KCNJ3: variants seen among roughly 807,000 people sequenced by gnomAD.
KCNJ3 encodes the protein potassium inwardly rectifying channel subfamily J member 3.
KCNJ3 carries 4 observed loss-of-function variants against 39.2 expected under a neutral mutation model. That is an observed-to-expected ratio of 0.10 (90% CI 0.05 to 0.23). KCNJ3 has a LOEUF of 0.23. KCNJ3 is among the 10% of genes least tolerant of loss of function. KCNJ3 has a pLI of 1.00. For synonymous variants in KCNJ3, 230 were observed against 237.4 expected, an observed-to-expected ratio of 0.97 and a Z score of 0.29; for missense variants, 276 against 634.9, an observed-to-expected ratio of 0.43 and a Z score of 6.08.
At chr2:154,720,387 C>G (rs1038341702) in intron 2 of KCNJ3, among the ~76,000 whole-genome samples, 1 of 151,980 alleles carries the variant, frequency 6.6e-6, no homozygotes, top group Non-Finnish European at 1.5e-5. Flanking sequence ...ATGTCTAGAC[C>G]ATTTTAGAGG....
intron 2 of KCNJ3, among the ~76,000 whole-genome samples, chr2:154,828,166 A>G (rs995607876): frequency 2.0e-5 from 3 of 152,170 alleles, no homozygotes; most frequent in South Asian, 2.1e-4. Context: ...CTACTTACCT[A>G]TTATTGTCAA....
intron 2 of KCNJ3, among the ~76,000 whole-genome samples, chr2:154,821,742 G>A (rs954255455): frequency 1.5e-5 from 2 of 137,642 alleles, no homozygotes; most frequent in African/African-American, 5.3e-5. Context: ...CCTCGTTCAA[G>A]CAATTTTCCT....
At chr2:154,789,579 A>G (rs1686591153) in intron 2 of KCNJ3, among the ~76,000 whole-genome samples, 1 of 152,100 alleles carries the variant, frequency 6.6e-6, no homozygotes. Flanking sequence ...TTATTAAAAC[A>G]GAAGCTTCTG....
intron 2 of KCNJ3, among the ~76,000 whole-genome samples, chr2:154,748,031 G>A (rs1685777530): frequency 6.6e-6 from 1 of 151,988 alleles, no homozygotes; most frequent in South Asian, 2.1e-4. Flanking sequence ...CCTAGAGATT[G>A]TTGAGGCCCC....
At chr2:154,711,749 C>A (rs1431004142) in intron 2 of KCNJ3, among the ~76,000 whole-genome samples, 1 of 152,050 alleles carries the variant, frequency 6.6e-6, no homozygotes, top group African/African-American at 2.4e-5. Context: ...AATATTGAAG[C>A]AGGTTGTTTG....
intron 2 of KCNJ3, among the ~76,000 whole-genome samples, chr2:154,734,420 C>T (rs1685489975): frequency 6.6e-6 from 1 of 152,090 alleles, no homozygotes; most frequent in Non-Finnish European, 1.5e-5. Context: ...TTAGAAATAC[C>T]GCTCACCCTC....
chr2:154,841,118 A>AGTTT (rs779918409), intron 2 of KCNJ3, among the ~76,000 whole-genome samples: 62 of 152,230 alleles, frequency 4.1e-4, no homozygotes, highest in Non-Finnish European at 7.6e-4. Context: ...ATCGATACCT[A>AGTTT]GTTTATTGAG....
At position 154,857,886 on chromosome 2, in the gene KCNJ3, C is replaced by CA. The variant is rs70983747; in HGVS notation, c.*2614dup. The stretch of plus-strand genomic sequence containing the variant: ...ACAGTGCGAGACTCCATCTCAACAT[C>CA]AAAAAAAAAAAAAAAAAAAAAAAAA... On this transcript the variant is annotated 3_prime_UTR_variant, in exon 3 of 3. Coordinates refer to ENST00000295101, the MANE Select transcript of KCNJ3 (RefSeq NM_002239.4). 16 of 41,974 alleles carry CA rather than the reference C, an allele frequency of 3.8e-4. No individual in the cohort carries two copies. Among genetic ancestry groups the CA allele is most frequent in the African/African-American group, 1.1e-3 (8 of 6,966 alleles). 2.6% of individuals were successfully genotyped at this position (41,974 alleles called of 1,614,324 possible).
intron 2 of KCNJ3, among the ~76,000 whole-genome samples, chr2:154,735,666 A>G (rs1271271494): frequency 2.0e-5 from 3 of 152,212 alleles, no homozygotes; most frequent in African/African-American, 2.4e-5. Flanking sequence ...CAATTTAAAA[A>G]TGGAACTAGA....
chr2:154,834,669 C>T (rs1349020320), intron 2 of KCNJ3, among the ~76,000 whole-genome samples: 2 of 151,364 alleles, frequency 1.3e-5, no homozygotes, highest in Non-Finnish European at 3.0e-5. Flanking sequence ...GCGGAGCTTA[C>T]AGTGAGCCGA....
rs71422263 is a variant in KCNJ3 at position 154,821,635 on chromosome 2, A to ATTTTTTT, written c.920-33074_920-33068dup. Among the ~76,000 whole-genome samples, 289 of 88,064 alleles carry ATTTTTTT rather than the reference A, an allele frequency of 3.3e-3. 7 individuals carry two copies. The highest frequency in any genetic ancestry group is 7.8e-3 in the East Asian group (19 of 2,450). The allele number at this position is 88,064 out of a possible 152,430, so 57.8% of individuals were successfully genotyped here. On this transcript the variant is annotated intron_variant, in intron 2 of 2. Coordinates refer to ENST00000295101, the MANE Select transcript of KCNJ3 (RefSeq NM_002239.4). ...CAAAAAAAGAAAAAGAGAATATGTG[A>ATTTTTTT]TTTTTTTTTTTTTTTTTTTTTTTTG... is the stretch of plus-strand genomic sequence containing the variant.
At chr2:154,731,350 T>A (rs1347538469) in intron 2 of KCNJ3, among the ~76,000 whole-genome samples, 2 of 152,108 alleles carry the variant, frequency 1.3e-5, no homozygotes, top group African/African-American at 4.8e-5. Flanking sequence ...AAACTCAAAT[T>A]TATATGGTGA....
chr2:154,843,306 G>A (rs1319179912), intron 2 of KCNJ3, among the ~76,000 whole-genome samples: 4 of 152,224 alleles, frequency 2.6e-5, no homozygotes, highest in East Asian at 1.9e-4. Context: ...TGAGAGATCC[G>A]TTGTTAGTAT....
chr2:154,750,774 A>G (rs1405546048), intron 2 of KCNJ3, among the ~76,000 whole-genome samples: 1 of 152,034 alleles, frequency 6.6e-6, no homozygotes, highest in African/African-American at 2.4e-5. Flanking sequence ...TTCCTTGTAT[A>G]GACCAAAATG....
intron 2 of KCNJ3, among the ~76,000 whole-genome samples, chr2:154,798,015 G>C (rs1464354561): frequency 2.0e-5 from 3 of 151,392 alleles, no homozygotes; most frequent in Non-Finnish European, 4.4e-5. Flanking sequence ...CCAGCCTCTG[G>C]CAACCACCGT....
At chr2:154,742,596 G>C (rs1385305830) in intron 2 of KCNJ3, among the ~76,000 whole-genome samples, 1 of 151,788 alleles carries the variant, frequency 6.6e-6, no homozygotes, top group Non-Finnish European at 1.5e-5. Context: ...TGTCATTATT[G>C]TTTTGGTTTG....
intron 2 of KCNJ3, among the ~76,000 whole-genome samples, chr2:154,745,507 TTG>T (rs1328251420): frequency 2.0e-5 from 3 of 152,084 alleles, no homozygotes; most frequent in African/African-American, 7.2e-5. Flanking sequence ...ATTTCTGTTG[TTG>T]TGTTTTTCAG....
chr2:154,798,236 C>T (rs962670213), intron 2 of KCNJ3, among the ~76,000 whole-genome samples: 4 of 151,128 alleles, frequency 2.6e-5, no homozygotes, highest in African/African-American at 7.3e-5. Context: ...AGAGTCTGTT[C>T]CCTAGCCACA....
At chr2:154,801,864 C>T (rs528296200) in intron 2 of KCNJ3, among the ~76,000 whole-genome samples, 19 of 152,058 alleles carry the variant, frequency 1.2e-4, no homozygotes, top group Non-Finnish European at 2.4e-4. Flanking sequence ...TGGGCTCAAG[C>T]GATTCACCTG....
Sources: allele counts gnomAD v4.1 joint callset (sites outside exome capture counted in the v4.1 genomes callset), GRCh38; gene constraint gnomAD v4.1.1; transcripts MANE v1.5; gene names NCBI Gene and HGNC (gene_info 2026-07-23, HGNC 2026-07-21).